The following RNF217 variants were observed in gnomAD, a reference collection of about 807,000 sequenced individuals.
RNF217 encodes E3 ubiquitin-protein ligase RNF217.
A neutral mutation model predicts 57.8 loss-of-function variants in RNF217; 31 were observed. The observed-to-expected ratio is 0.54, with a 90% CI of 0.40 to 0.72. The LOEUF (loss-of-function observed/expected upper bound fraction) is 0.72. Among genes scored for constraint, RNF217 ranks in the 30% least tolerant of loss-of-function variants. RNF217 has a pLI of 0.00. For missense variants in RNF217, 696 were observed against 708.3 expected (o/e 0.98, Z 0.20); for synonymous variants, 313 against 294.0 (o/e 1.06, Z -0.66).
At position 125,092,349 on chromosome 6, in the gene RNF217, C is replaced by T. The variant is rs1042867854; in HGVS notation, c.*9412C>T. 2.6e-5 allele frequency: 4 copies of T among 152,098 alleles called. No individual in the cohort carries two copies. Among genetic ancestry groups the T allele is most frequent in the African/African-American group, 7.2e-5 (3 of 41,416 alleles). The allele number at this position is 152,098 out of a possible 1,614,324, so 9.4% of individuals were successfully genotyped here. A position where few individuals can be genotyped will look rare whatever the true frequency, so the allele number is the denominator to read the frequency against. ...TTTTGGAGTCTAATTTCCGACTTTT[C>T]GTAATGTCCCAATGACCTTTTGTTG... is the stretch of plus-strand genomic sequence containing the variant. On this transcript the variant is annotated 3_prime_UTR_variant, in exon 6 of 6. Coordinates refer to ENST00000521654, the MANE Select transcript of RNF217 (RefSeq NM_001286398.3).
At chr6:125,028,431 T>G (rs1218815308) in intron 1 of RNF217, among the ~76,000 whole-genome samples, 7 of 152,112 alleles carry the variant, frequency 4.6e-5, no homozygotes, top group Non-Finnish European at 1.0e-4. Flanking sequence ...ATATTTCTTT[T>G]GGAACTACAC....
At position 124,978,882 on chromosome 6, in the gene RNF217, G is replaced by C. The variant is rs78968193; in HGVS notation, c.882+15456G>C. Among the ~76,000 whole-genome samples, 1,410 of 152,288 alleles carry C rather than the reference G, an allele frequency of 9.3e-3. 18 individuals carry two copies. The highest frequency in any genetic ancestry group is 0.032 in the African/African-American group (1,349 of 41,570). ...GAGCAACAGAAGCAAAGCTGTCAGC[G>C]GACAGGGCACCCTGAAAGCAGATCC... On this transcript the variant is annotated intron_variant, in intron 1 of 5. Transcript: ENST00000521654.
intron 1 of RNF217, among the ~76,000 whole-genome samples, chr6:125,020,796 C>T (rs2114411185): frequency 6.6e-6 from 1 of 152,236 alleles, no homozygotes; most frequent in East Asian, 1.9e-4. Context: ...GAGGGGAAAA[C>T]AACAAATAAA....
At position 125,045,211 on chromosome 6, in the gene RNF217, G is replaced by C. The variant is rs769494438; in HGVS notation, c.883G>C (p.Val295Leu). ...ECLKVYLSAQ[V>L]QLGQVEIKCP... ...TTCCATCTGCTCTTCCATCATGCAG[G>C]TACAACTTGGCCAAGTAGAAATCAA... Residue 295 changes from valine to leucine, a missense_variant and splice_region_variant, in exon 2 of 6, where the codon GTA (valine) becomes CTA (leucine). This residue lies in a region of RNF217 where 231 missense variants were observed against 321.4 expected (regional missense o/e 0.72). Transcript: ENST00000521654. 3.1e-6 allele frequency: 5 copies of C among 1,607,756 alleles called. No homozygotes were observed. The South Asian group carries it at 4.4e-5, about 14-fold the overall frequency.
chr6:125,032,220 ACAGTAAAGAGGGTTAGGAGAAAACC>A (rs1786391194), intron 1 of RNF217, among the ~76,000 whole-genome samples: 2 of 152,166 alleles, frequency 1.3e-5, no homozygotes, highest in African/African-American at 2.4e-5. Context: ...TCTCCACTAC[ACAGTAAAGAGGGTTAGGAGAAAACC>A]CATAATTCAT....
intron 1 of RNF217, among the ~76,000 whole-genome samples, chr6:125,040,583 AT>A (rs998596798): frequency 1.3e-5 from 2 of 152,182 alleles, no homozygotes; most frequent in African/African-American, 4.8e-5. Flanking sequence ...TCCGTAACTC[AT>A]TTTATGATGC....
chr6:125,091,602 T>TA lies in RNF217; in HGVS notation c.*8671dup, dbSNP rs566778439. The TA allele has an allele frequency of 1.3e-5, 2 of 152,160 alleles. No homozygotes were observed. The highest frequency in any genetic ancestry group is 4.1e-4 in the South Asian group (2 of 4,820). 9.4% of individuals were successfully genotyped at this position (152,160 alleles called of 1,614,324 possible). A position where few individuals can be genotyped will look rare whatever the true frequency, so the allele number is the denominator to read the frequency against. On this transcript the variant is annotated 3_prime_UTR_variant, in exon 6 of 6. Coordinates refer to ENST00000521654, the MANE Select transcript of RNF217 (RefSeq NM_001286398.3). Reference sequence around the variant, plus strand: ...AAAATTGAATTGTACTTTAAAACCATAAAAAATGCTAATTAAGTTTAGAAC... The same window carrying TA: ...AAAATTGAATTGTACTTTAAAACCATAAAAAAATGCTAATTAAGTTTAGAAC...
chr6:124,981,323 C>T (rs1485968635), intron 1 of RNF217, among the ~76,000 whole-genome samples: 2 of 151,988 alleles, frequency 1.3e-5, no homozygotes, highest in Admixed American at 6.6e-5. Context: ...GTTTATTTTG[C>T]GAAGTTAAGG....
chr6:124,973,686 C>G (rs1783847803), intron 1 of RNF217, among the ~76,000 whole-genome samples: 1 of 152,204 alleles, frequency 6.6e-6, no homozygotes, highest in Non-Finnish European at 1.5e-5. Flanking sequence ...TGACTTGCAT[C>G]AATCCAGTGA....
chr6:125,054,846 T>C (rs1295077439), intron 2 of RNF217, among the ~76,000 whole-genome samples: 2 of 152,130 alleles, frequency 1.3e-5, no homozygotes, highest in Non-Finnish European at 2.9e-5. Flanking sequence ...AGTTCTCAGG[T>C]GATGCTGATG....
chr6:125,082,544 C>CTA (rs1562500598), intron 5 of RNF217: 1 of 1,612,438 alleles, frequency 6.2e-7, no homozygotes, highest in South Asian at 1.1e-5. Context: ...AAGTGATATG[C>CTA]TATACTGCCT....
chr6:125,003,486 TATC>T (rs911705219), intron 1 of RNF217, among the ~76,000 whole-genome samples: 7 of 152,172 alleles, frequency 4.6e-5, no homozygotes, highest in African/African-American at 1.7e-4. Context: ...GCAACATCAT[TATC>T]ATCATCGTCA....
chr6:125,005,408 G>T (rs1785143717), intron 1 of RNF217, among the ~76,000 whole-genome samples: 3 of 152,134 alleles, frequency 2.0e-5, no homozygotes, highest in Admixed American at 2.0e-4. Flanking sequence ...TAACATAAGG[G>T]TACAAGGTGA....
In RNF217 at chr6:124,963,279, C is replaced by G; in HGVS notation, c.735C>G (p.Tyr245Ter). ...SMPSLLGAPP[Y>*]SGLGGVGDPY... ...CCAGCCTGTTGGGAGCTCCACCCTA[C>G]TCTGGCCTGGGCGGTGTAGGGGATC... Residue 245 changes from tyrosine (Y) to a stop codon, truncating the protein, a stop_gained, in exon 1 of 6, where the codon TAC (tyrosine) becomes TAG (stop). Coordinates refer to ENST00000521654, the MANE Select transcript of RNF217 (RefSeq NM_001286398.3). LOFTEE classifies it high-confidence loss of function. 3 of 1,535,998 alleles carry G rather than the reference C, an allele frequency of 2.0e-6. No individual in the cohort carries two copies. The highest frequency in any genetic ancestry group is 2.6e-6 in the Non-Finnish European group (3 of 1,146,854).
chr6:125,081,806 G>A (rs899027391), intron 5 of RNF217, among the ~76,000 whole-genome samples: 2 of 151,998 alleles, frequency 1.3e-5, no homozygotes, highest in Non-Finnish European at 2.9e-5. Context: ...AAGGCAAGTG[G>A]AATAGAACCC....
At chr6:125,010,629 T>TA (rs974403143) in intron 1 of RNF217, among the ~76,000 whole-genome samples, 2 of 152,274 alleles carry the variant, frequency 1.3e-5, no homozygotes, top group East Asian at 1.9e-4. Flanking sequence ...TTCGTTGTGT[T>TA]AAAAAAATAG....
chr6:125,020,155 G>A (rs147151586), intron 1 of RNF217, among the ~76,000 whole-genome samples: 2 of 152,150 alleles, frequency 1.3e-5, no homozygotes, highest in African/African-American at 2.4e-5. Context: ...ATTGCAATTC[G>A]CAGACACCCG....
chr6:125,043,891 G>A (rs778809994), intron 1 of RNF217, among the ~76,000 whole-genome samples: 4 of 151,918 alleles, frequency 2.6e-5, no homozygotes, highest in Non-Finnish European at 5.9e-5. Flanking sequence ...TACTAATAAG[G>A]AGAATTATCC....
chr6:125,059,937 G>A (rs1002979768), intron 3 of RNF217, among the ~76,000 whole-genome samples: 7 of 152,138 alleles, frequency 4.6e-5, no homozygotes, highest in Non-Finnish European at 1.0e-4. Flanking sequence ...TTTCTGGTGG[G>A]ATTTGGGTTC....
Sources: gnomAD v4.1 joint callset for allele counts (sites outside exome capture counted in the v4.1 genomes callset) on GRCh38, gnomAD v4.1.1 for gene constraint, gnomAD v4.1.1 regional missense constraint, MANE v1.5 for transcripts, NCBI Gene and HGNC (gene_info 2026-07-23, HGNC 2026-07-21) for gene names.